C1orf167: variants seen among roughly 807,000 people sequenced by gnomAD.
The protein encoded by C1orf167 is uncharacterized protein C1orf167.
Under a neutral mutation model 176.5 loss-of-function variants are expected in C1orf167, and 153 were observed. The ratio of observed to expected loss-of-function variants is 0.87; its 90% CI spans 0.76 to 0.99. The LOEUF is 0.99. Among genes scored for constraint, C1orf167 ranks in the 50% least tolerant of loss-of-function variants. The probability of loss-of-function intolerance (pLI) is 0.00; values close to 1 mark genes in which losing one functional copy is unlikely to be tolerated. For missense variants in C1orf167, 1,490 were observed against 1,817.7 expected, an observed-to-expected ratio of 0.82 and a Z score of 3.28; for synonymous variants, 594 against 752.7, an observed-to-expected ratio of 0.79 and a Z score of 3.45.
At chr1:11,786,896 T>C (rs1220991326) in intron 16 of C1orf167, 2 of 152,338 alleles carry the variant, frequency 1.3e-5, no homozygotes. Context: ...AGAGTACTTT[T>C]ACATTTCTAT....
intron 16 of C1orf167, chr1:11,786,524 C>G (rs1643873682): frequency 6.6e-6 from 1 of 152,150 alleles, no homozygotes; most frequent in Non-Finnish European, 1.5e-5. Context: ...CAGCCTCAAC[C>G]TCCAGGGCTC....
In C1orf167 at chr1:11,787,440, T is replaced by G; in HGVS notation, c.3620T>G (p.Leu1207Arg). 9 of 1,303,528 alleles carry G rather than the reference T, an allele frequency of 6.9e-6. No homozygotes were observed. The highest frequency in any genetic ancestry group is 9.1e-6 in the Non-Finnish European group (9 of 988,722). The allele number at this position is 1,303,528 out of a possible 1,614,324, so 80.7% of individuals were successfully genotyped here. The change falls in exon 17 of 21, where the codon CTG (leucine) becomes CGG (arginine). Residue 1207 changes from leucine to arginine, a missense_variant. By Grantham distance (102) the Leu-to-Arg change is moderately radical. Coordinates refer to ENST00000688073, the MANE Select transcript of C1orf167 (RefSeq NM_001010881.2). Reference protein sequence around the residue: ...ATELVPPAPSLQCSLGGRRKP... With the variant: ...ATELVPPAPSRQCSLGGRRKP... Reference sequence around the variant, plus strand: ...GAGCTGGTGCCTCCCGCGCCATCACTGCAGTGCAGCCTGGGTGGACGGAGG... The same window carrying G: ...GAGCTGGTGCCTCCCGCGCCATCACGGCAGTGCAGCCTGGGTGGACGGAGG...
At chr1:11,785,343 G>A (rs1044559785) in intron 16 of C1orf167, 54 bp downstream of exon 16, 12 of 1,232,034 alleles carry the variant, frequency 9.7e-6, no homozygotes, top group African/African-American at 1.5e-5. Flanking sequence ...TGGCCAGCAG[G>A]GGGAGCCTGC....
At chr1:11,775,336 G>A (rs1229107678) in intron 8 of C1orf167, 99 bp from the exon 9 acceptor site, 2 of 934,242 alleles carry the variant, frequency 2.1e-6, no homozygotes, top group African/African-American at 3.5e-5. Flanking sequence ...GAAGTGGCTT[G>A]CCCAAGGCCT....
At chr1:11,781,861 G>T (rs1313608676) in intron 13 of C1orf167, among the ~76,000 whole-genome samples, 2 of 150,614 alleles carry the variant, frequency 1.3e-5, no homozygotes, top group Non-Finnish European at 2.9e-5. Flanking sequence ...AGTGAGCTGA[G>T]ATTGGGCCAC....
rs1176534062 is a variant in C1orf167 at position 11,779,095 on chromosome 1, C to G, written c.2651+15C>G. On this transcript the variant is annotated intron_variant, in intron 12 of 20. Coordinates refer to ENST00000688073, the MANE Select transcript of C1orf167 (RefSeq NM_001010881.2). Reference sequence around the variant, plus strand: ...CGCCAGAGGCGGTAGGGATCCCTCCCCATCCGCCCGCCACTCTATGGACTT... The same window carrying G: ...CGCCAGAGGCGGTAGGGATCCCTCCGCATCCGCCCGCCACTCTATGGACTT... The G allele has an allele frequency of 1.6e-6, 2 of 1,228,524 alleles. No homozygotes were observed. Among genetic ancestry groups the G allele is most frequent in the African/African-American group, 3.1e-5 (2 of 63,546 alleles). 76.1% of individuals were successfully genotyped at this position (1,228,524 alleles called of 1,614,324 possible). A position where few individuals can be genotyped will look rare whatever the true frequency, so the allele number is the denominator to read the frequency against.
chr1:11,767,150 C>T, intron 3 of C1orf167, 65 bp downstream of exon 3: 2 of 1,283,316 alleles, frequency 1.6e-6, no homozygotes, highest in South Asian at 2.5e-5. Flanking sequence ...GGCAGGGAGG[C>T]TTGGCAGGGG....
In C1orf167 at chr1:11,788,136, C is replaced by T. The variant is rs1643948092; in HGVS notation, c.3849-13C>T. 1.6e-6 allele frequency: 2 copies of T among 1,279,850 alleles called. No individual in the cohort carries two copies. The highest frequency in any genetic ancestry group is 2.2e-4 in the Middle Eastern group (1 of 4,630). The allele number at this position is 1,279,850 out of a possible 1,614,324, so 79.3% of individuals were successfully genotyped here. A position where few individuals can be genotyped will look rare whatever the true frequency, so the allele number is the denominator to read the frequency against. On this transcript the variant is annotated splice_polypyrimidine_tract_variant and intron_variant, in intron 18 of 20. Coordinates refer to ENST00000688073, the MANE Select transcript of C1orf167 (RefSeq NM_001010881.2). ...GCCTGAGCCATGGCTACAGCTGGGC[C>T]CTCTCTGGCCAGTGCTCGTTCCTGC...
In C1orf167 at chr1:11,784,547, CG is replaced by C. The variant is rs776926206; in HGVS notation, c.3383del (p.Gly1128AlafsTer17). The C allele has an allele frequency of 4.7e-6, 6 of 1,288,782 alleles. No individual in the cohort carries two copies. The highest frequency in any genetic ancestry group is 1.5e-5 in the African/African-American group (1 of 65,348). 79.8% of individuals were successfully genotyped at this position (1,288,782 alleles called of 1,614,324 possible). A position where few individuals can be genotyped will look rare whatever the true frequency, so the allele number is the denominator to read the frequency against. On this transcript the variant is annotated frameshift_variant, in exon 15 of 21. Transcript: ENST00000688073. LOFTEE classifies it high-confidence loss of function. Reference sequence around the variant, plus strand: ...GGCTCTGTGGGTGCATGAGTCCTGTCGGGGCCAGGTCAGCCGAGCCCATGCT... The same window carrying C: ...GGCTCTGTGGGTGCATGAGTCCTGTCGGGCCAGGTCAGCCGAGCCCATGCT... ...CWALWVHESC[R>X]GQVSRAHASW...
intron 9 of C1orf167, among the ~76,000 whole-genome samples, 198 bp from the exon 10 acceptor site, chr1:11,776,266 A>G (rs1349064942): frequency 7.5e-6 from 1 of 132,608 alleles, no homozygotes; most frequent in Non-Finnish European, 1.6e-5. Context: ...TCAAAGAAAC[A>G]AAAAACAAAA....
chr1:11,768,123 A>G lies in C1orf167; in HGVS notation c.1390A>G (p.Lys464Glu), dbSNP rs1642886524. Reference protein sequence around the residue: ...RCFRSWRHLVKRQREPAAAAV... With the variant: ...RCFRSWRHLVERQREPAAAAV... The stretch of plus-strand genomic sequence containing the variant: ...TTTTCGATCCTGGAGGCACTTGGTG[A>G]AGAGGCAGCGGGAGCCAGCGGCGGC... The change falls in exon 5 of 21, where the codon AAG becomes GAG. Residue 464 changes from lysine to glutamate, a missense_variant. Physicochemically the swap from Lys to Glu is moderately conservative, Grantham distance 56 (BLOSUM62 1). Coordinates refer to ENST00000688073, the MANE Select transcript of C1orf167 (RefSeq NM_001010881.2). The surrounding 1 kb of genome is among the most constrained non-coding windows in gnomAD (Gnocchi z 4.5). 7.8e-7 allele frequency: 1 copy of G among 1,289,446 alleles called. No individual in the cohort carries two copies. The highest frequency in any genetic ancestry group is 1.2e-5 in the South Asian group (1 of 80,990). 79.9% of individuals were successfully genotyped at this position (1,289,446 alleles called of 1,614,324 possible).
At chr1:11,788,820 C>T (rs886045183) in intron 20 of C1orf167, 74 bp downstream of exon 20, 7 of 1,257,896 alleles carry the variant, frequency 5.6e-6, no homozygotes, top group Non-Finnish European at 7.4e-6. Context: ...TGTGCCACAG[C>T]CACGCACCGT....
intron 1 of C1orf167, among the ~76,000 whole-genome samples, chr1:11,763,538 G>T (rs184657971): frequency 1.9e-3 from 288 of 152,260 alleles, no homozygotes; most frequent in African/African-American, 6.8e-3. Context: ...TAAACAAATG[G>T]GCTTTGTTTC....
intron 15 of C1orf167, among the ~76,000 whole-genome samples, chr1:11,784,884 A>C (rs1035873297): frequency 6.6e-6 from 1 of 152,176 alleles, no homozygotes; most frequent in Non-Finnish European, 1.5e-5. Flanking sequence ...TTGCCAGGGA[A>C]GGGGAGGCAA....
rs55990971 is a variant in C1orf167, at chr1:11,771,538, G to A, written c.1712G>A (p.Arg571Lys). 93,689 of 1,289,558 alleles carry A rather than the reference G, an allele frequency of 0.073. 3,595 individuals carry two copies. Among genetic ancestry groups the A allele is most frequent in the Middle Eastern group, 0.13 (609 of 4,694 alleles). The allele number at this position is 1,289,558 out of a possible 1,614,324, so 79.9% of individuals were successfully genotyped here. ...TTTGCTTTTAGTCCAGGAAGTCTGA[G>A]GGAGGAGGAGATTGCTCAGCGGCTT... The part of the protein sequence containing the change: ...RLEHTSPGSL[R>K]EEEIAQRLLS... The change falls in exon 7 of 21, where the codon AGG becomes AAG. Residue 571 changes from arginine to lysine, a missense_variant. By Grantham distance (26) the Arg-to-Lys change is conservative. Transcript: ENST00000688073.
chr1:11,773,334 T>C (rs1010580870), intron 8 of C1orf167, among the ~76,000 whole-genome samples: 3 of 152,204 alleles, frequency 2.0e-5, no homozygotes, highest in African/African-American at 7.2e-5. Flanking sequence ...CCAAATTATT[T>C]TGAGGCAAAT....
At chr1:11,776,393 A>C in intron 9 of C1orf167, 71 bp from the exon 10 acceptor site, 1 of 1,224,018 alleles carries the variant, frequency 8.2e-7, no homozygotes, top group Non-Finnish European at 1.1e-6. Flanking sequence ...CTGAGGCAGC[A>C]GCTATCAATG....
chr1:11,767,024 G>T lies in C1orf167; in HGVS notation c.1238G>T (p.Arg413Met). 8.2e-7 allele frequency: 1 copy of T among 1,219,184 alleles called. No individual in the cohort carries two copies. The highest frequency in any genetic ancestry group is 1.0e-6 in the Non-Finnish European group (1 of 953,424). 75.5% of individuals were successfully genotyped at this position (1,219,184 alleles called of 1,614,324 possible). A position where few individuals can be genotyped will look rare whatever the true frequency, so the allele number is the denominator to read the frequency against. ...EEGAPRERVH[R>M]EEERTAFHLS... ...GGGGCCCCGAGGGAGCGGGTCCACA[G>T]GGAGGAGGAGAGGACAGCTTTCCAT... The change falls in exon 3 of 21, where the codon AGG becomes ATG. Residue 413 changes from arginine to methionine, a missense_variant. By Grantham distance (91) the Arg-to-Met change is moderately conservative. Transcript: ENST00000688073.
At chr1:11,773,669 C>T (rs1264646651) in intron 8 of C1orf167, among the ~76,000 whole-genome samples, 1 of 152,138 alleles carries the variant, frequency 6.6e-6, no homozygotes, top group Non-Finnish European at 1.5e-5. Context: ...GATCGTGCCA[C>T]TGCACTCCAG....
Sources: allele counts gnomAD v4.1 joint callset (sites outside exome capture counted in the v4.1 genomes callset), GRCh38; gene constraint gnomAD v4.1.1; non-coding constraint Gnocchi (gnomAD v3.1); transcripts MANE v1.5; gene names NCBI Gene and HGNC (gene_info 2026-07-23, HGNC 2026-07-21).